ITK: variants seen among roughly 807,000 people sequenced by gnomAD.
The protein encoded by ITK is tyrosine-protein kinase ITK/TSK.
A neutral mutation model predicts 87.6 loss-of-function variants in ITK; 45 were observed. The ratio of observed to expected loss-of-function variants is 0.51; its 90% CI spans 0.40 to 0.66. The LOEUF (loss-of-function observed/expected upper bound fraction) is 0.66, where lower values mean the gene tolerates loss of function less well. Among genes scored for constraint, ITK ranks in the 30% least tolerant of loss-of-function variants. The probability of loss-of-function intolerance (pLI) is 0.00; values close to 1 mark genes in which losing one functional copy is unlikely to be tolerated. For missense variants in ITK, 605 were observed against 766.3 expected (o/e 0.79, Z 2.48); for synonymous variants, 303 against 273.6 (o/e 1.11, Z -1.06).
At chr5:157,234,841 G>A (rs561030262) in intron 8 of ITK, among the ~76,000 whole-genome samples, 76 of 152,156 alleles carry the variant, frequency 5.0e-4, no homozygotes, top group African/African-American at 1.8e-3. Context: ...GTAGATGACA[G>A]GTTTATGGGT....
At chr5:157,228,944 G>A (rs1754591293) in intron 7 of ITK, among the ~76,000 whole-genome samples, 3 of 152,126 alleles carry the variant, frequency 2.0e-5, no homozygotes, top group Admixed American at 2.0e-4. Flanking sequence ...ATGTGGGCGT[G>A]TCAGATGAGC....
At position 157,219,245 on chromosome 5, in the gene ITK, T is replaced by C. The variant is rs549372321; in HGVS notation, c.495+1338T>C. ...CTCCTGCCTCAGCCTCCTGAGTAGCTGGGATTACAGGCGCTCACCATCATG... is the reference window on the plus strand; with the variant it reads ...CTCCTGCCTCAGCCTCCTGAGTAGCCGGGATTACAGGCGCTCACCATCATG... On this transcript the variant is annotated intron_variant, in intron 5 of 16. Transcript: ENST00000422843. Among the ~76,000 whole-genome samples, 4 of 152,042 alleles carry C rather than the reference T, an allele frequency of 2.6e-5. No individual in the cohort carries two copies. The East Asian group carries it at 7.7e-4, about 29-fold the overall frequency.
intron 1 of ITK, among the ~76,000 whole-genome samples, chr5:157,205,996 G>A (rs1331634639): frequency 2.7e-5 from 1 of 37,038 alleles, no homozygotes; most frequent in African/African-American, 9.2e-5. Flanking sequence ...TTTTTTTTTT[G>A]AGTCAGTATT....
chr5:157,248,064 C>T (rs546714769), intron 15 of ITK, among the ~76,000 whole-genome samples: 2 of 152,312 alleles, frequency 1.3e-5, no homozygotes, highest in Admixed American at 6.5e-5. Flanking sequence ...TGGGCTAGGG[C>T]CCAGGAATCT....
At chr5:157,221,002 G>A (rs1233082015) in intron 5 of ITK, among the ~76,000 whole-genome samples, 1 of 151,944 alleles carries the variant, frequency 6.6e-6, no homozygotes, top group African/African-American at 2.4e-5. Context: ...GGGACTACAG[G>A]CACTTGCCAC....
At chr5:157,187,505 G>A (rs1753667734) in intron 1 of ITK, among the ~76,000 whole-genome samples, 1 of 152,188 alleles carries the variant, frequency 6.6e-6, no homozygotes, top group African/African-American at 2.4e-5. Context: ...AGAGACCAAG[G>A]CAAGTGACAT....
chr5:157,247,376 G>A (rs1027464587), intron 15 of ITK, among the ~76,000 whole-genome samples: 1 of 152,184 alleles, frequency 6.6e-6, no homozygotes, highest in African/African-American at 2.4e-5. Context: ...CCTCTCCCCA[G>A]TGTGTATAAC....
rs1348356371 is a variant in ITK, at chr5:157,180,952, G to A, written c.-26G>A. Reference sequence around the variant, plus strand: ...GTTGTGCTAAGAGGTGATGCCCAAGGTGCACCACCTTTCAAGAACTGGATC... The same window carrying A: ...GTTGTGCTAAGAGGTGATGCCCAAGATGCACCACCTTTCAAGAACTGGATC... On this transcript the variant is annotated 5_prime_UTR_variant, in exon 1 of 17. The change creates a new upstream start codon in the 5' untranslated region. Transcript: ENST00000422843. 1 of 1,612,916 alleles carries A rather than the reference G, an allele frequency of 6.2e-7. No homozygotes were observed. Among genetic ancestry groups the A allele is most frequent in the Non-Finnish European group, 8.5e-7 (1 of 1,179,134 alleles).
At chr5:157,197,517 A>G (rs999496281) in intron 1 of ITK, among the ~76,000 whole-genome samples, 8 of 152,250 alleles carry the variant, frequency 5.3e-5, no homozygotes, top group African/African-American at 1.9e-4. Flanking sequence ...ATTCTGCCAC[A>G]GTGGAACCTA....
intron 1 of ITK, among the ~76,000 whole-genome samples, chr5:157,197,750 G>A (rs748771412): frequency 9.9e-5 from 15 of 152,072 alleles, no homozygotes; most frequent in Admixed American, 1.3e-4. Context: ...GTATGATGAC[G>A]AATTTAACCA....
At chr5:157,244,708 A>C (rs1171267055) in intron 13 of ITK, among the ~76,000 whole-genome samples, 1 of 152,120 alleles carries the variant, frequency 6.6e-6, no homozygotes, top group African/African-American at 2.4e-5. Flanking sequence ...ATTTCAGTTT[A>C]TATTCTTCCA....
chr5:157,240,390 C>T (rs1286478563), intron 10 of ITK, 195 bp downstream of exon 10: 1 of 631,240 alleles, frequency 1.6e-6, no homozygotes, highest in East Asian at 2.8e-5. Context: ...GCCTGATGAT[C>T]TGAGATGGAA....
At chr5:157,216,549 A>G (rs890936972) in intron 4 of ITK, among the ~76,000 whole-genome samples, 4 of 152,132 alleles carry the variant, frequency 2.6e-5, no homozygotes, top group African/African-American at 4.8e-5. Flanking sequence ...GTGGATGAGT[A>G]AAAACAGACC....
rs547849441 is a variant in ITK, at chr5:157,249,413, G to T, written c.1791+406G>T. Among the ~76,000 whole-genome samples, 3 of 152,328 alleles carry T rather than the reference G, an allele frequency of 2.0e-5. No homozygotes were observed. In the East Asian group the frequency reaches 5.8e-4, roughly 29 times the overall value. On this transcript the variant is annotated intron_variant, in intron 16 of 16. Coordinates refer to ENST00000422843, the MANE Select transcript of ITK (RefSeq NM_005546.4). ...TGAAAATATTAAAATGGCTTAATTT[G>T]AGTTCATTTTATTCATTCTGCATTT...
intron 16 of ITK, among the ~76,000 whole-genome samples, 192 bp downstream of exon 16, chr5:157,249,199 A>G (rs1022778641): frequency 6.6e-6 from 1 of 152,250 alleles, no homozygotes; most frequent in African/African-American, 2.4e-5. Context: ...GGCGACCTTA[A>G]ATATTATTTG....
chr5:157,245,692 C>T (rs371008779), intron 13 of ITK, 34 bp from the exon 14 acceptor site: 1 of 1,588,896 alleles, frequency 6.3e-7, no homozygotes, highest in African/African-American at 1.3e-5. Context: ...CAACAGTTTT[C>T]CTCTCCGCCT....
intron 4 of ITK, among the ~76,000 whole-genome samples, chr5:157,216,848 T>C (rs1378300914): frequency 1.3e-5 from 2 of 152,106 alleles, no homozygotes; most frequent in Non-Finnish European, 2.9e-5. Flanking sequence ...CCCAGGTCAC[T>C]ATCCCAGCCT....
At chr5:157,206,759 T>C (rs1011822564) in intron 1 of ITK, among the ~76,000 whole-genome samples, 1 of 152,188 alleles carries the variant, frequency 6.6e-6, no homozygotes, top group Non-Finnish European at 1.5e-5. Flanking sequence ...TTGTGTTTAA[T>C]TGGATCTTCC....
Position 157,254,833 on chromosome 5 carries a change from C to G in ITK, c.*2155C>G, listed in dbSNP as rs1755219483. 4.6e-6 allele frequency: 1 copy of G among 217,542 alleles called. No individual in the cohort carries two copies. 13.5% of individuals were successfully genotyped at this position (217,542 alleles called of 1,614,324 possible). A position where few individuals can be genotyped will look rare whatever the true frequency, so the allele number is the denominator to read the frequency against. Reference sequence around the variant, plus strand: ...TTACCTTTTTCAAGCTCAGATTCATCTAATCCTCAACTGTACATGTGTACA... The same window carrying G: ...TTACCTTTTTCAAGCTCAGATTCATGTAATCCTCAACTGTACATGTGTACA... On this transcript the variant is annotated 3_prime_UTR_variant, in exon 17 of 17. Coordinates refer to ENST00000422843, the MANE Select transcript of ITK (RefSeq NM_005546.4).
Sources: allele counts gnomAD v4.1 joint callset (sites outside exome capture counted in the v4.1 genomes callset), GRCh38; gene constraint gnomAD v4.1.1; transcripts MANE v1.5; gene names NCBI Gene and HGNC (gene_info 2026-07-23, HGNC 2026-07-21).